PTPRD: variants seen among roughly 807,000 people sequenced by gnomAD.
PTPRD encodes the protein protein tyrosine phosphatase receptor type D, also known as receptor-type tyrosine-protein phosphatase delta.
In PTPRD, 34 loss-of-function variants were observed where a neutral mutation model predicts 214.5. That is an observed-to-expected ratio of 0.16 (90% confidence interval 0.12 to 0.21). PTPRD has a LOEUF of 0.21. PTPRD is among the 10% of genes least tolerant of loss of function. PTPRD has a pLI of 1.00. For synonymous variants in PTPRD, 1,128 were observed against 845.7 expected, an observed-to-expected ratio of 1.33 and a Z score of -5.79; for missense variants, 2,545 against 2,398.7, an observed-to-expected ratio of 1.06 and a Z score of -1.27.
chr9:9,067,642 C>G (rs1393276049), intron 10 of PTPRD, among the ~76,000 whole-genome samples: 2 of 152,036 alleles, frequency 1.3e-5, no homozygotes, highest in East Asian at 3.9e-4. Flanking sequence ...AAATTAACCT[C>G]TTTATTTTGT....
intron 3 of PTPRD, among the ~76,000 whole-genome samples, chr9:10,095,044 G>T (rs987109998): frequency 1.4e-4 from 21 of 151,042 alleles, no homozygotes; most frequent in Non-Finnish European, 7.4e-5. Context: ...TGTCAGCATA[G>T]AATTTTTTTA....
At chr9:9,879,656 T>A (rs1025745891) in intron 5 of PTPRD, among the ~76,000 whole-genome samples, 20 of 152,152 alleles carry the variant, frequency 1.3e-4, no homozygotes, top group Non-Finnish European at 7.3e-5. Flanking sequence ...TTGACAGAGA[T>A]CCTAAGTGAA....
intron 11 of PTPRD, among the ~76,000 whole-genome samples, chr9:8,819,916 C>CCGGA (rs2097014169): frequency 6.6e-6 from 1 of 152,008 alleles, no homozygotes; most frequent in African/African-American, 2.4e-5. Flanking sequence ...ATCATATGCT[C>CCGGA]AGGAAGCTAA....
chr9:9,054,075 T>C (rs12005189), intron 10 of PTPRD, among the ~76,000 whole-genome samples: 11,362 of 152,212 alleles, frequency 0.075, 572 homozygotes, highest in African/African-American at 0.14. Context: ...ATATCATGTA[T>C]TGAGCTCCTG....
At chr9:8,804,546 G>A (rs1407171347) in intron 11 of PTPRD, among the ~76,000 whole-genome samples, 1 of 152,074 alleles carries the variant, frequency 6.6e-6, no homozygotes, top group Non-Finnish European at 1.5e-5. Flanking sequence ...GCAGCAAGCT[G>A]TGATCACGCC....
intron 3 of PTPRD, among the ~76,000 whole-genome samples, chr9:10,105,162 T>C (rs1426924618): frequency 6.6e-6 from 1 of 151,818 alleles, no homozygotes; most frequent in Non-Finnish European, 1.5e-5. Flanking sequence ...TCATTTATTA[T>C]TTTACTGATT....
intron 8 of PTPRD, among the ~76,000 whole-genome samples, chr9:9,491,424 T>A (rs1202237802): frequency 6.6e-6 from 1 of 151,936 alleles, no homozygotes; most frequent in African/African-American, 2.4e-5. Flanking sequence ...AAGAACTTAA[T>A]ATAATTTACC....
At chr9:9,624,567 T>A (rs2154355064) in intron 7 of PTPRD, among the ~76,000 whole-genome samples, 1 of 152,152 alleles carries the variant, frequency 6.6e-6, no homozygotes, top group East Asian at 1.9e-4. Context: ...GGATTACAGG[T>A]ATGAGCCACT....
chr9:10,459,902 T>C (rs914442858), intron 2 of PTPRD, among the ~76,000 whole-genome samples: 1 of 151,946 alleles, frequency 6.6e-6, no homozygotes, highest in African/African-American at 2.4e-5. Flanking sequence ...GTATAGTTTC[T>C]CCTTAAATAT....
rs115497446 is a variant in PTPRD, at chr9:10,336,335, G to A, written c.-545+4628C>T. On this transcript the variant is annotated intron_variant, in intron 3 of 45. Transcript: ENST00000381196. ...TTGGGTGGAAGAGAATTAGTAAGCA[G>A]AAGGAGAATACCAGTTTTGTGTGGC... Among the ~76,000 whole-genome samples, 614 of 151,696 alleles carry A rather than the reference G, an allele frequency of 4.0e-3. 3 individuals are homozygous for A. The highest frequency in any genetic ancestry group is 0.015 in the African/African-American group (604 of 41,458).
chr9:10,245,824 A>C (rs1190906639), intron 3 of PTPRD, among the ~76,000 whole-genome samples: 1 of 152,132 alleles, frequency 6.6e-6, no homozygotes, highest in Non-Finnish European at 1.5e-5. Flanking sequence ...AAGCTAAGTA[A>C]GCTCAAATAA....
At chr9:9,622,781 G>C (rs112017513) in intron 7 of PTPRD, among the ~76,000 whole-genome samples, 2 of 152,206 alleles carry the variant, frequency 1.3e-5, no homozygotes, top group South Asian at 2.1e-4. Flanking sequence ...ACTTGGTAAA[G>C]GGATAAACAC....
At chr9:10,076,921 A>G (rs1590432001) in intron 3 of PTPRD, among the ~76,000 whole-genome samples, 1 of 152,142 alleles carries the variant, frequency 6.6e-6, no homozygotes, top group Non-Finnish European at 1.5e-5. Flanking sequence ...TGCAGCACCA[A>G]TGATTCTTTC....
chr9:8,932,540 C>T (rs1008429718), intron 11 of PTPRD, among the ~76,000 whole-genome samples: 7 of 152,194 alleles, frequency 4.6e-5, no homozygotes, highest in African/African-American at 1.4e-4. Flanking sequence ...CTGACTGTGG[C>T]TGCTGCCTTT....
chr9:10,231,311 G>C (rs1300083903), intron 3 of PTPRD, among the ~76,000 whole-genome samples: 3 of 151,382 alleles, frequency 2.0e-5, no homozygotes, highest in African/African-American at 7.3e-5. Flanking sequence ...GAGGCTGTGA[G>C]GGGGGAAAAC....
At chr9:8,682,188 T>A (rs148149635) in intron 12 of PTPRD, among the ~76,000 whole-genome samples, 5 of 152,338 alleles carry the variant, frequency 3.3e-5, no homozygotes, top group Non-Finnish European at 7.3e-5. Context: ...AAATGCATTA[T>A]GCATTAGGTA....
chr9:9,399,244 C>T (rs1191661322), intron 8 of PTPRD, among the ~76,000 whole-genome samples: 1 of 151,802 alleles, frequency 6.6e-6, no homozygotes, highest in Non-Finnish European at 1.5e-5. Context: ...AAAATAAAAG[C>T]ACTGGTTTCT....
At chr9:8,362,762 A>T (rs575529017) in intron 39 of PTPRD, among the ~76,000 whole-genome samples, 1 of 152,344 alleles carries the variant, frequency 6.6e-6, no homozygotes, top group African/African-American at 2.4e-5. Flanking sequence ...GCAAATGACC[A>T]GACTGTTCTC....
intron 11 of PTPRD, among the ~76,000 whole-genome samples, chr9:8,966,272 C>G (rs910570572): frequency 6.6e-6 from 1 of 151,786 alleles, no homozygotes; most frequent in Non-Finnish European, 1.5e-5. Flanking sequence ...TATTGAAAAA[C>G]AAAGATCCCA....
Sources: gnomAD v4.1 joint callset for allele counts (sites outside exome capture counted in the v4.1 genomes callset) on GRCh38, gnomAD v4.1.1 for gene constraint, MANE v1.5 for transcripts, NCBI Gene and HGNC (gene_info 2026-07-23, HGNC 2026-07-21) for gene names.